The following DZANK1 variants were observed in gnomAD, a reference collection of about 807,000 sequenced individuals.
The protein encoded by DZANK1 is double zinc ribbon and ankyrin repeat domains 1.
A neutral mutation model predicts 94.5 loss-of-function variants in DZANK1; 91 were observed. That is an observed-to-expected ratio of 0.96 (90% confidence interval 0.81 to 1.15). The LOEUF (loss-of-function observed/expected upper bound fraction) is 1.15. Ranked by LOEUF, DZANK1 falls within the 50% of genes most tolerant of loss-of-function variation. The pLI is 0.00. For missense variants in DZANK1, 903 were observed against 916.4 expected, an observed-to-expected ratio of 0.99 and a Z score of 0.19; for synonymous variants, 312 against 325.3, an observed-to-expected ratio of 0.96 and a Z score of 0.44.
intron 3 of DZANK1, among the ~76,000 whole-genome samples, chr20:18,456,846 A>G (rs752697812): frequency 6.6e-6 from 1 of 152,136 alleles, no homozygotes; most frequent in Non-Finnish European, 1.5e-5. Flanking sequence ...GGTTTGGGCT[A>G]TTATGTATAA....
chr20:18,452,866 AC>A, intron 5 of DZANK1, 127 bp from the exon 6 acceptor site: 1 of 974,656 alleles, frequency 1.0e-6, no homozygotes, highest in Non-Finnish European at 1.5e-6. Flanking sequence ...CCTAGAAGTA[AC>A]AATTATATAA....
intron 15 of DZANK1, 191 bp from the exon 16 acceptor site, chr20:18,394,541 T>G: frequency 1.4e-6 from 1 of 694,636 alleles, no homozygotes. Context: ...GTTCTGCCCC[T>G]TACCCGCGGC....
chr20:18,433,415 G>A (rs1486465363), intron 9 of DZANK1: 13 of 451,488 alleles, frequency 2.9e-5, no homozygotes, highest in Admixed American at 1.4e-4. Flanking sequence ...GGTGGTGCAC[G>A]CCTGTAGTTC....
intron 10 of DZANK1, among the ~76,000 whole-genome samples, chr20:18,425,387 C>G (rs1294664543): frequency 6.6e-6 from 1 of 152,024 alleles, no homozygotes; most frequent in Non-Finnish European, 1.5e-5. Flanking sequence ...CCCGTTTCTA[C>G]TAAAAATACA....
At chr20:18,461,272 C>G (rs2059461474) in intron 2 of DZANK1, among the ~76,000 whole-genome samples, 1 of 152,118 alleles carries the variant, frequency 6.6e-6, no homozygotes, top group Admixed American at 6.5e-5. Flanking sequence ...GTACCCTGTT[C>G]CACATATTTC....
At chr20:18,457,274 C>A (rs186453969) in intron 3 of DZANK1, among the ~76,000 whole-genome samples, 2 of 152,050 alleles carry the variant, frequency 1.3e-5, no homozygotes, top group Admixed American at 6.6e-5. Context: ...CAGGAGTTCA[C>A]GACCAGCCTG....
chr20:18,443,773 C>T (rs1256385104), intron 7 of DZANK1, among the ~76,000 whole-genome samples: 2 of 152,170 alleles, frequency 1.3e-5, no homozygotes, highest in African/African-American at 2.4e-5. Flanking sequence ...CTGGCTTGTC[C>T]TGTCACATTG....
chr20:18,438,111 C>A (rs966647633), intron 8 of DZANK1, among the ~76,000 whole-genome samples: 1 of 143,932 alleles, frequency 6.9e-6, no homozygotes, highest in South Asian at 2.3e-4. Context: ...CCCAGCTACT[C>A]GGGAGGCTGA....
exon 21 of DZANK1, chr20:18,384,032 A>T (rs2048331845): frequency 6.1e-6 from 1 of 164,622 alleles, no homozygotes; most frequent in Non-Finnish European, 1.3e-5. Flanking sequence ...TCAGAAAGAC[A>T]TGATTAAAGA....
exon 9 of DZANK1, chr20:18,433,711 C>G: frequency 6.2e-7 from 1 of 1,614,068 alleles, no homozygotes; most frequent in Non-Finnish European, 8.5e-7. Context: ...TCACACACCA[C>G]ACAGATGGGA....
intron 15 of DZANK1, chr20:18,394,985 CCCTCACGTGGCT>C (rs1490889896): frequency 1.7e-5 from 7 of 415,252 alleles, no homozygotes; most frequent in Non-Finnish European, 3.4e-5. Context: ...TCCCCCTGCA[CCCTCACGTGGCT>C]GCCTGCTCCT....
At chr20:18,389,620 G>A in intron 19 of DZANK1, 81 bp downstream of exon 19, 1 of 1,570,042 alleles carries the variant, frequency 6.4e-7, no homozygotes, top group East Asian at 2.3e-5. Context: ...GGGTGTGTGT[G>A]TAGACCGCTT....
chr20:18,403,796 CTTTTTTTTTTTTT>C (rs35824877), intron 13 of DZANK1, among the ~76,000 whole-genome samples: 1 of 111,740 alleles, frequency 8.9e-6, no homozygotes, highest in Non-Finnish European at 1.8e-5. Context: ...AACTTTCTTT[CTTTTTTTTTTTTT>C]TTTTTTTTGA....
At chr20:18,446,285 G>A (rs1202754829) in intron 7 of DZANK1, among the ~76,000 whole-genome samples, 1 of 151,798 alleles carries the variant, frequency 6.6e-6, no homozygotes, top group Admixed American at 6.6e-5. Flanking sequence ...AAAGAAGGAA[G>A]GGAGAGAGGG....
intron 15 of DZANK1, chr20:18,394,879 G>A (rs1377802667): frequency 2.2e-6 from 1 of 456,650 alleles, no homozygotes; most frequent in Non-Finnish European, 4.4e-6. Context: ...GAAATAATAT[G>A]ACCTACCTCA....
exon 17 of DZANK1, chr20:18,393,712 A>G (rs1266940419): frequency 2.5e-6 from 4 of 1,597,660 alleles, no homozygotes; most frequent in East Asian, 2.2e-5. Flanking sequence ...GACACTTACT[A>G]TAAGCTGCTC....
intron 6 of DZANK1, among the ~76,000 whole-genome samples, chr20:18,451,543 T>C (rs2059102071): frequency 6.6e-6 from 1 of 152,154 alleles, no homozygotes; most frequent in Non-Finnish European, 1.5e-5. Context: ...TCAAATACCA[T>C]CAACATATTG....
At chr20:18,458,842 A>T (rs780884294) in intron 3 of DZANK1, among the ~76,000 whole-genome samples, 3 of 151,748 alleles carry the variant, frequency 2.0e-5, no homozygotes, top group Non-Finnish European at 2.9e-5. Context: ...TGTTTCCCCC[A>T]CCCCAGCTGG....
intron 7 of DZANK1, among the ~76,000 whole-genome samples, chr20:18,443,954 C>T (rs1247340303): frequency 1.3e-5 from 2 of 152,236 alleles, no homozygotes; most frequent in East Asian, 3.8e-4. Flanking sequence ...CCTGCCCCAG[C>T]AGCATCTGGC....
Sources: gnomAD v4.1 joint callset for allele counts (sites outside exome capture counted in the v4.1 genomes callset) on GRCh38, gnomAD v4.1.1 for gene constraint, MANE v1.5 for transcripts, NCBI Gene and HGNC (gene_info 2026-07-23, HGNC 2026-07-21) for gene names.